The following ADAM22 variants were observed in gnomAD, a reference collection of about 807,000 sequenced individuals.
ADAM22 encodes the protein disintegrin and metalloproteinase domain-containing protein 22.
In ADAM22, 65 loss-of-function variants were observed where a neutral mutation model predicts 144.6. The observed-to-expected ratio is 0.45, with a 90% CI of 0.37 to 0.55. The LOEUF (loss-of-function observed/expected upper bound fraction) is 0.55, where lower values mean the gene tolerates loss of function less well. Among genes scored for constraint, ADAM22 ranks in the 20% least tolerant of loss-of-function variants. ADAM22 has a pLI of 0.00. For synonymous variants in ADAM22, 391 were observed against 412.6 expected (o/e 0.95, Z 0.63); for missense variants, 974 against 1,184.9 (o/e 0.82, Z 2.61).
At chr7:88,151,365 G>A in intron 20 of ADAM22, 45 bp downstream of exon 20, 2 of 1,608,684 alleles carry the variant, frequency 1.2e-6, no homozygotes, top group Non-Finnish European at 1.7e-6. Context: ...CATGATGTCA[G>A]GCGGACTTCT....
At chr7:88,018,496 C>CA (rs1797042958) in intron 3 of ADAM22, among the ~76,000 whole-genome samples, 2 of 151,970 alleles carry the variant, frequency 1.3e-5, no homozygotes, top group African/African-American at 4.8e-5. Flanking sequence ...AGCAGGAAAA[C>CA]ATAGTAGGTG....
At chr7:88,081,319 T>C (rs1187070893) in intron 4 of ADAM22, among the ~76,000 whole-genome samples, 4 of 152,058 alleles carry the variant, frequency 2.6e-5, no homozygotes, top group Non-Finnish European at 5.9e-5. Context: ...CTCAATAAAT[T>C]AGGTATTGAT....
chr7:88,073,717 G>C (rs1392129187), intron 3 of ADAM22, among the ~76,000 whole-genome samples: 1 of 152,232 alleles, frequency 6.6e-6, no homozygotes, highest in Non-Finnish European at 1.5e-5. Flanking sequence ...GATACATAGT[G>C]TTCATGTTCA....
chr7:88,102,177 C>G (rs894985331), intron 4 of ADAM22, among the ~76,000 whole-genome samples: 3 of 152,114 alleles, frequency 2.0e-5, no homozygotes, highest in Non-Finnish European at 4.4e-5. Flanking sequence ...CTTTCTGTAT[C>G]CTTTGCATGG....
chr7:88,193,457 T>A (rs1850047079), intron 31 of ADAM22, among the ~76,000 whole-genome samples: 1 of 152,252 alleles, frequency 6.6e-6, no homozygotes. Flanking sequence ...TTTTGTGTAA[T>A]TAATTGCTAT....
In ADAM22 at chr7:88,161,035, G is replaced by A. The variant is rs539546126; in HGVS notation, c.1908-1977G>A. Reference sequence around the variant, plus strand: ...TGTAAATGACGAGTTACTGGGTGCAGCACACCAGCATGGTGCATATATATA... The same window carrying A: ...TGTAAATGACGAGTTACTGGGTGCAACACACCAGCATGGTGCATATATATA... On this transcript the variant is annotated intron_variant, in intron 22 of 31. Transcript: ENST00000413139. Among the ~76,000 whole-genome samples, 4 of 152,116 alleles carry A rather than the reference G, an allele frequency of 2.6e-5. No individual in the cohort carries two copies. In the East Asian group the frequency reaches 7.8e-4, roughly 30 times the overall value.
chr7:88,020,547 G>A (rs1585059291), intron 3 of ADAM22, among the ~76,000 whole-genome samples: 1 of 152,116 alleles, frequency 6.6e-6, no homozygotes, highest in Non-Finnish European at 1.5e-5. Flanking sequence ...CCTCCAATGT[G>A]TATCGACTTT....
rs769347739 is a variant in ADAM22, at chr7:88,193,096, T to A, written c.2751-20T>A. The stretch of plus-strand genomic sequence containing the variant: ...GTTAGGCAATCACATGATACTTAAT[T>A]CATGTTCTCAACATCTCAGGACTTT... On this transcript the variant is annotated intron_variant, in intron 30 of 31. Coordinates refer to ENST00000413139, the MANE Select transcript of ADAM22 (RefSeq NM_001324418.2). The A allele has an allele frequency of 6.2e-7, 1 of 1,613,686 alleles. No individual in the cohort carries two copies. Among genetic ancestry groups the A allele is most frequent in the Non-Finnish European group, 8.5e-7 (1 of 1,179,750 alleles).
At position 87,995,290 on chromosome 7, in the gene ADAM22, T is replaced by A. The variant is rs1790891641; in HGVS notation, c.323+16878T>A. Among the ~76,000 whole-genome samples the A allele has an allele frequency of 3.9e-5, 6 of 152,286 alleles. No homozygotes were observed. In the South Asian group the frequency reaches 1.2e-3, roughly 32 times the overall value. ...TGCTGGGCAGTGTCTAGAAGGACTT[T>A]CCTTTTGATATCCCTTTCCAAAGCT... On this transcript the variant is annotated intron_variant, in intron 3 of 31. Transcript: ENST00000413139.
Position 88,108,388 on chromosome 7 carries a change from T to C in ADAM22, c.473+130T>C, listed in dbSNP as rs562172557. ...CTTTAAATTGGTGATGGATCTGATT[T>C]TTTTTTTCTCTTTTGTATTTTATAA... On this transcript the variant is annotated intron_variant, in intron 5 of 31. Transcript: ENST00000413139. 40 of 750,532 alleles carry C rather than the reference T, an allele frequency of 5.3e-5. No homozygotes were observed. The Middle Eastern group carries it at 1.2e-3, about 23-fold the overall frequency. The allele number at this position is 750,532 out of a possible 1,614,324, so 46.5% of individuals were successfully genotyped here.
intron 3 of ADAM22, among the ~76,000 whole-genome samples, chr7:88,051,389 A>T (rs1349284924): frequency 6.6e-6 from 1 of 152,214 alleles, no homozygotes; most frequent in African/African-American, 2.4e-5. Context: ...TGATGAGTTC[A>T]TGTCATTTGT....
At chr7:88,158,872 C>T (rs1212957238) in intron 22 of ADAM22, among the ~76,000 whole-genome samples, 1 of 151,768 alleles carries the variant, frequency 6.6e-6, no homozygotes, top group Non-Finnish European at 1.5e-5. Flanking sequence ...AACAAACCAA[C>T]CCCAAAGCTA....
chr7:88,130,506 C>T, intron 10 of ADAM22, 47 bp downstream of exon 10: 2 of 1,517,264 alleles, frequency 1.3e-6, no homozygotes, highest in Non-Finnish European at 1.8e-6. Context: ...TTCTTATTTC[C>T]TAATTGCTAA....
rs1012521200 is a variant in ADAM22, at chr7:88,042,289, A to T, written c.324-33337A>T. On this transcript the variant is annotated intron_variant, in intron 3 of 31. Coordinates refer to ENST00000413139, the MANE Select transcript of ADAM22 (RefSeq NM_001324418.2). ...GGGTTTGAAAATTTATAAATTTTCC[A>T]AATATGGTGTGTTAGCTAGAGCATC... Among the ~76,000 whole-genome samples the T allele has an allele frequency of 3.3e-5, 5 of 152,076 alleles. 1 individual carries two copies. The highest frequency in any genetic ancestry group is 7.4e-5 in the Non-Finnish European group (5 of 67,962).
chr7:87,951,146 A>C (rs1845016047), intron 2 of ADAM22, among the ~76,000 whole-genome samples: 1 of 151,410 alleles, frequency 6.6e-6, no homozygotes, highest in African/African-American at 2.4e-5. Context: ...TAGTTTAATT[A>C]GATCCCATTT....
At chr7:88,145,603 T>G in intron 17 of ADAM22, 96 bp downstream of exon 17, 1 of 972,966 alleles carries the variant, frequency 1.0e-6, no homozygotes. Context: ...AGAAATAGTA[T>G]CTAACATATA....
Position 88,181,971 on chromosome 7 carries a change from C to T in ADAM22, c.2610C>T (p.Gly870=). ...RSNSWQGNLG[G]NKKKIRGKRF... is the part of the protein sequence containing the mutation. ...CGTCTTTTTCAGGTAACCTGGGAGG[C>T]AACAAAAAGAAAATCAGAGGCAAAA... Residue 870 remains glycine, a synonymous_variant, in exon 29 of 32, where the codon GGC becomes GGT. Transcript: ENST00000413139. The T allele has an allele frequency of 6.2e-7, 1 of 1,613,452 alleles. No individual in the cohort carries two copies. Among genetic ancestry groups the T allele is most frequent in the Non-Finnish European group, 8.5e-7 (1 of 1,179,636 alleles).
chr7:87,954,120 T>C (rs1846006945), intron 2 of ADAM22, among the ~76,000 whole-genome samples: 1 of 152,194 alleles, frequency 6.6e-6, no homozygotes, highest in Admixed American at 6.5e-5. Context: ...TGTCTTTTAA[T>C]TGGAGCATTT....
intron 23 of ADAM22, among the ~76,000 whole-genome samples, chr7:88,164,319 T>C (rs1842454747): frequency 6.6e-6 from 1 of 152,124 alleles, no homozygotes; most frequent in Non-Finnish European, 1.5e-5. Context: ...TTTAATTAAT[T>C]AGTAAAAGAA....
Sources: allele counts gnomAD v4.1 joint callset (sites outside exome capture counted in the v4.1 genomes callset), GRCh38; gene constraint gnomAD v4.1.1; transcripts MANE v1.5; gene names NCBI Gene and HGNC (gene_info 2026-07-23, HGNC 2026-07-21).